AREL1: variants seen among roughly 807,000 people sequenced by gnomAD.
AREL1 encodes the protein apoptosis resistant E3 ubiquitin protein ligase 1, also known as apoptosis-resistant E3 ubiquitin protein ligase 1.
Under a neutral mutation model 99.0 loss-of-function variants are expected in AREL1, and 62 were observed. The ratio of observed to expected loss-of-function variants is 0.63; its 90% CI spans 0.51 to 0.77. The LOEUF (loss-of-function observed/expected upper bound fraction) is 0.77. Ranked by LOEUF, AREL1 falls within the 30% of genes least tolerant of loss-of-function variation. The pLI, the probability that AREL1 is intolerant of heterozygous loss-of-function variation, is 0.00. For synonymous variants in AREL1, 380 were observed against 376.5 expected, an observed-to-expected ratio of 1.01 and a Z score of -0.11; for missense variants, 879 against 1,027.6, an observed-to-expected ratio of 0.86 and a Z score of 1.98.
At chr14:74,689,656 G>A (rs1280200831) in intron 2 of AREL1, among the ~76,000 whole-genome samples, 1 of 137,280 alleles carries the variant, frequency 7.3e-6, no homozygotes, top group Admixed American at 8.0e-5. Context: ...GGAGTGCAAT[G>A]GCGTGATCTC....
Position 74,692,323 on chromosome 14 carries a change from A to AG in AREL1, c.-329dup, listed in dbSNP as rs1247576441. 2.3e-6 allele frequency: 1 copy of AG among 432,638 alleles called. No homozygotes were observed. The highest frequency in any genetic ancestry group is 4.5e-6 in the Non-Finnish European group (1 of 220,196). The allele number at this position is 432,638 out of a possible 1,614,324, so 26.8% of individuals were successfully genotyped here. A position where few individuals can be genotyped will look rare whatever the true frequency, so the allele number is the denominator to read the frequency against. ...GCAATCGACTGCCAAAGGACGCCCC[A>AG]GGATCCTGTCCAAAAAAGAAAACAG... On this transcript the variant is annotated 5_prime_UTR_variant, in exon 2 of 20. Coordinates refer to ENST00000356357, the MANE Select transcript of AREL1 (RefSeq NM_001039479.2).
intron 1 of AREL1, among the ~76,000 whole-genome samples, chr14:74,706,645 T>C (rs2090184436): frequency 1.3e-5 from 2 of 152,168 alleles, no homozygotes; most frequent in African/African-American, 4.8e-5. Context: ...TTTCTTCAAA[T>C]GCATATTAAG....
At chr14:74,667,724 G>GCA (rs2089240181) in intron 15 of AREL1, 130 bp from the exon 16 acceptor site, 1 of 1,220,650 alleles carries the variant, frequency 8.2e-7, no homozygotes, top group East Asian at 2.5e-5. Context: ...TTTCTGCTGT[G>GCA]CATTCAGCTT....
chr14:74,683,284 A>G lies in AREL1; in HGVS notation c.481+12T>C. 1 of 1,594,196 alleles carries G rather than the reference A, an allele frequency of 6.3e-7. No homozygotes were observed. Among genetic ancestry groups the G allele is most frequent in the Non-Finnish European group, 8.6e-7 (1 of 1,164,720 alleles). ...GGAGACAAAGGGAAAAAGAAAGGAA[A>G]AAAGAACCTACCAGGTTGAAAAATT... On this transcript the variant is annotated intron_variant, in intron 5 of 19. Transcript: ENST00000356357.
At chr14:74,702,078 T>C (rs1164605169) in intron 1 of AREL1, among the ~76,000 whole-genome samples, 1 of 152,182 alleles carries the variant, frequency 6.6e-6, no homozygotes, top group East Asian at 1.9e-4. Flanking sequence ...TAGCACTGAG[T>C]GCCTGAGGCT....
Position 74,663,403 on chromosome 14 carries a change from T to G in AREL1, c.*317A>C, listed in dbSNP as rs999425102. On this transcript the variant is annotated 3_prime_UTR_variant, in exon 20 of 20. Transcript: ENST00000356357. ...CTCCACACCAGTTTCCCAACAGGGC[T>G]GAGCCCCGTGTGCCATCTCCCTCAG... is the stretch of plus-strand genomic sequence containing the variant. 1.3e-5 allele frequency: 5 copies of G among 374,484 alleles called. No individual in the cohort carries two copies. In the Admixed American group the frequency reaches 1.8e-4, roughly 14 times the overall value. The allele number at this position is 374,484 out of a possible 1,614,324, so 23.2% of individuals were successfully genotyped here. A position where few individuals can be genotyped will look rare whatever the true frequency, so the allele number is the denominator to read the frequency against.
intron 5 of AREL1, among the ~76,000 whole-genome samples, chr14:74,681,546 G>A (rs1211322212): frequency 2.0e-5 from 3 of 152,092 alleles, no homozygotes; most frequent in Non-Finnish European, 4.4e-5. Flanking sequence ...AGGCTGAGGC[G>A]AGCGGATCAT....
Position 74,662,536 on chromosome 14 carries a change from C to T in AREL1, c.*1184G>A. 1 of 398,622 alleles carries T rather than the reference C, an allele frequency of 2.5e-6. No individual in the cohort carries two copies. Among genetic ancestry groups the T allele is most frequent in the Non-Finnish European group, 4.4e-6 (1 of 226,044 alleles). 24.7% of individuals were successfully genotyped at this position (398,622 alleles called of 1,614,324 possible). The stretch of plus-strand genomic sequence containing the variant: ...CAGCAGGTACTCTTCAATCATCATT[C>T]AACAGTGAACCTAATAAGCTTCCTC... On this transcript the variant is annotated 3_prime_UTR_variant, in exon 20 of 20. Coordinates refer to ENST00000356357, the MANE Select transcript of AREL1 (RefSeq NM_001039479.2).
chr14:74,678,957 C>T lies in AREL1; in HGVS notation c.482-2205G>A, dbSNP rs1001120879. On this transcript the variant is annotated intron_variant, in intron 5 of 19. Transcript: ENST00000356357. ...CCAGGCTGGAGTGTAGTGGCAAGAT[C>T]ACAGCTCACTGCAGCCTCAACCTCC... Among the ~76,000 whole-genome samples, 5 of 152,112 alleles carry T rather than the reference C, an allele frequency of 3.3e-5. No homozygotes were observed. The South Asian group carries it at 1.0e-3, about 32-fold the overall frequency.
At chr14:74,686,948 A>G (rs564090113) in intron 2 of AREL1, among the ~76,000 whole-genome samples, 16 of 152,328 alleles carry the variant, frequency 1.1e-4, no homozygotes, top group African/African-American at 3.8e-4. Flanking sequence ...CCAAACAAGT[A>G]TCTCATCTCT....
intron 1 of AREL1, among the ~76,000 whole-genome samples, chr14:74,694,765 GGATCATGA>G (rs886068653): frequency 6.6e-6 from 1 of 151,970 alleles, no homozygotes; most frequent in African/African-American, 2.4e-5. Flanking sequence ...TGAAGCGGGC[GGATCATGA>G]GGTCAGGAGA....
intron 5 of AREL1, among the ~76,000 whole-genome samples, chr14:74,680,704 G>C (rs1028053892): frequency 6.6e-6 from 1 of 152,154 alleles, no homozygotes; most frequent in African/African-American, 2.4e-5. Flanking sequence ...AATATACGTA[G>C]AGAATCCCTA....
intron 18 of AREL1, among the ~76,000 whole-genome samples, chr14:74,664,471 T>TG (rs2089165306): frequency 9.0e-6 from 1 of 110,604 alleles, no homozygotes; most frequent in Non-Finnish European, 2.0e-5. Context: ...TTTTTTTTTT[T>TG]GAGAAAGAGT....
intron 1 of AREL1, among the ~76,000 whole-genome samples, chr14:74,710,094 C>CAA (rs1014614273): frequency 2.0e-5 from 3 of 152,228 alleles, no homozygotes; most frequent in African/African-American, 7.2e-5. Flanking sequence ...TGCTCCCATC[C>CAA]ATCACAAATC....
rs1428769824 is a variant in AREL1 at position 74,661,338 on chromosome 14, G to A, written c.*2382C>T. ...GCCTGGCCCTTTCACCTGGCCTGAC[G>A]AATCTGCAGCAGGGCTTGGTCTCTG... On this transcript the variant is annotated 3_prime_UTR_variant, in exon 20 of 20. Coordinates refer to ENST00000356357, the MANE Select transcript of AREL1 (RefSeq NM_001039479.2). The A allele has an allele frequency of 6.6e-6, 3 of 456,314 alleles. No individual in the cohort carries two copies. Among genetic ancestry groups the A allele is most frequent in the Non-Finnish European group, 1.3e-5 (3 of 226,736 alleles). 28.3% of individuals were successfully genotyped at this position (456,314 alleles called of 1,614,324 possible). A position where few individuals can be genotyped will look rare whatever the true frequency, so the allele number is the denominator to read the frequency against.
At chr14:74,684,770 AAGG>A (rs2089713406) in intron 3 of AREL1, 90 bp from the exon 4 acceptor site, 3 of 1,199,156 alleles carry the variant, frequency 2.5e-6, no homozygotes, top group Admixed American at 2.0e-5. Context: ...TCAAAAATTA[AAGG>A]AGGTCAGGAT....
intron 1 of AREL1, among the ~76,000 whole-genome samples, chr14:74,708,695 C>G (rs1035223782): frequency 9.8e-5 from 15 of 152,330 alleles, no homozygotes; most frequent in African/African-American, 3.6e-4. Context: ...CAGTAACAAG[C>G]TGCACTGAAA....
At chr14:74,670,994 T>C (rs2089324338) in intron 12 of AREL1, 123 bp from the exon 13 acceptor site, 2 of 716,382 alleles carry the variant, frequency 2.8e-6, no homozygotes, top group Non-Finnish European at 4.7e-6. Context: ...TGTTTCTCCG[T>C]TGCGACTCAT....
In AREL1 at chr14:74,667,336, C is replaced by T. The variant is rs2089230622; in HGVS notation, c.2086G>A (p.Asp696Asn). The T allele has an allele frequency of 1.2e-6, 2 of 1,614,102 alleles. No individual in the cohort carries two copies. The highest frequency in any genetic ancestry group is 1.7e-6 in the Non-Finnish European group (2 of 1,180,010). Residue 696 changes from aspartate (D) to asparagine (N), a missense_variant, in exon 17 of 20, where the codon GAT becomes AAT. By Grantham distance (23) the Asp-to-Asn change is conservative (BLOSUM62 1). Coordinates refer to ENST00000356357, the MANE Select transcript of AREL1 (RefSeq NM_001039479.2). The stretch of plus-strand genomic sequence containing the variant: ...TCACTTACCTCAAGCTCATTCTCAT[C>T]AAAAATAGCCAAAAGGTTCTCAGGG... ...LVPENLLAIF[D>N]ENELELLMCG...
Sources: allele counts gnomAD v4.1 joint callset (sites outside exome capture counted in the v4.1 genomes callset), GRCh38; gene constraint gnomAD v4.1.1; transcripts MANE v1.5; gene names NCBI Gene and HGNC (gene_info 2026-07-23, HGNC 2026-07-21).